The following EXOC6B variants were observed in gnomAD, a reference collection of about 807,000 sequenced individuals.
The protein encoded by EXOC6B is exocyst complex component 6B.
A neutral mutation model predicts 113.5 loss-of-function variants in EXOC6B; 54 were observed. The ratio of observed to expected loss-of-function variants is 0.48; its 90% CI spans 0.38 to 0.60. The LOEUF (loss-of-function observed/expected upper bound fraction) is 0.60, where lower values mean the gene tolerates loss of function less well. Among genes scored for constraint, EXOC6B ranks in the 20% least tolerant of loss-of-function variants. The pLI is 0.00. For synonymous variants in EXOC6B, 357 were observed against 339.0 expected (o/e 1.05, Z -0.58); for missense variants, 797 against 977.5 (o/e 0.82, Z 2.46).
chr2:72,593,178 T>A (rs536251471), intron 6 of EXOC6B, among the ~76,000 whole-genome samples: 10 of 152,178 alleles, frequency 6.6e-5, no homozygotes, highest in Non-Finnish European at 1.5e-4. Context: ...TACCTTGTCC[T>A]ATGCATATCT....
chr2:72,772,734 G>A (rs1050133260), intron 1 of EXOC6B, among the ~76,000 whole-genome samples: 1 of 152,096 alleles, frequency 6.6e-6, no homozygotes, highest in African/African-American at 2.4e-5. Context: ...CTATGCACTC[G>A]ACCAATCAGC....
chr2:72,653,605 C>CCCT (rs1674368374), intron 6 of EXOC6B, among the ~76,000 whole-genome samples: 1 of 144,764 alleles, frequency 6.9e-6, no homozygotes, highest in African/African-American at 2.7e-5. Context: ...GCAACCCCCC[C>CCCT]CCAAAAAGAA....
intron 9 of EXOC6B, 64 bp downstream of exon 9, chr2:72,514,979 A>G (rs1243140565): frequency 3.5e-6 from 4 of 1,155,736 alleles, no homozygotes; most frequent in South Asian, 2.7e-5. Context: ...ACACACACAC[A>G]CGCATCAAAA....
intron 8 of EXOC6B, among the ~76,000 whole-genome samples, chr2:72,524,150 T>TA (rs372964134): frequency 0.028 from 3,211 of 116,680 alleles, 47 homozygotes; most frequent in East Asian, 0.051. Flanking sequence ...ATACAGAGTT[T>TA]AAAAAAAAAA....
intron 20 of EXOC6B, among the ~76,000 whole-genome samples, chr2:72,226,653 T>C (rs140525057): frequency 1.3e-5 from 2 of 152,350 alleles, no homozygotes; most frequent in African/African-American, 4.8e-5. Context: ...ACTTAGGTTG[T>C]CATGTTTTAC....
intron 6 of EXOC6B, among the ~76,000 whole-genome samples, chr2:72,591,568 C>A (rs1456039899): frequency 6.6e-6 from 1 of 152,098 alleles, no homozygotes; most frequent in Non-Finnish European, 1.5e-5. Flanking sequence ...TTAAAATCTT[C>A]CTAAAATCAG....
rs1420025785 is a variant in EXOC6B at position 72,653,621 on chromosome 2, GAAAGA to G, written c.669+64477_669+64481del. Among the ~76,000 whole-genome samples, 29 of 127,052 alleles carry G rather than the reference GAAAGA, an allele frequency of 2.3e-4. No individual in the cohort carries two copies. In the South Asian group the frequency reaches 6.3e-3, roughly 28 times the overall value. The allele number at this position is 127,052 out of a possible 152,430, so 83.4% of individuals were successfully genotyped here. A position where few individuals can be genotyped will look rare whatever the true frequency, so the allele number is the denominator to read the frequency against. On this transcript the variant is annotated intron_variant, in intron 6 of 21. Coordinates refer to ENST00000272427, the MANE Select transcript of EXOC6B (RefSeq NM_015189.3). ...CAACCCCCCCCCAAAAAGAAAGAAA[GAAAGA>G]AAATACTGACGAGTTGAAAGAGATC...
At chr2:72,240,023 G>A (rs955299031) in intron 20 of EXOC6B, among the ~76,000 whole-genome samples, 1 of 152,058 alleles carries the variant, frequency 6.6e-6, no homozygotes, top group African/African-American at 2.4e-5. Flanking sequence ...ACAAGTACAT[G>A]GTTGTATCCT....
intron 21 of EXOC6B, among the ~76,000 whole-genome samples, chr2:72,183,832 A>C (rs1678245776): frequency 6.6e-6 from 1 of 152,086 alleles, no homozygotes; most frequent in Admixed American, 6.6e-5. Flanking sequence ...AGGTAATGTC[A>C]GAATCCAATT....
intron 20 of EXOC6B, among the ~76,000 whole-genome samples, chr2:72,316,150 C>T (rs918089565): frequency 3.3e-5 from 5 of 152,126 alleles, no homozygotes; most frequent in Non-Finnish European, 7.4e-5. Flanking sequence ...CATGTATTTA[C>T]ATTAAGAAAA....
At chr2:72,781,651 A>G (rs1358192647) in intron 1 of EXOC6B, among the ~76,000 whole-genome samples, 1 of 152,162 alleles carries the variant, frequency 6.6e-6, no homozygotes, top group East Asian at 1.9e-4. Context: ...CATGCCAGTT[A>G]GCCAGAGCAC....
intron 6 of EXOC6B, among the ~76,000 whole-genome samples, chr2:72,622,506 G>A (rs1018196438): frequency 2.0e-5 from 3 of 152,158 alleles, no homozygotes; most frequent in African/African-American, 7.2e-5. Flanking sequence ...TTGGGCTCAG[G>A]AGTTTGAGAC....
intron 6 of EXOC6B, among the ~76,000 whole-genome samples, chr2:72,658,286 T>TAAAAAAAAAAAAAAAAAAAAAAGA (rs1674746214): frequency 1.7e-5 from 1 of 58,726 alleles, no homozygotes; most frequent in Non-Finnish European, 3.1e-5. Context: ...TAAAAACTAG[T>TAAAAAAAAAAAAAAAAAAAAAAGA]AAAAAAAAAA....
intron 19 of EXOC6B, among the ~76,000 whole-genome samples, chr2:72,377,369 G>A (rs1691421747): frequency 6.6e-6 from 1 of 152,084 alleles, no homozygotes; most frequent in South Asian, 2.1e-4. Flanking sequence ...ATCCAGAGGA[G>A]ATGAAATCAG....
chr2:72,238,719 T>C (rs1335487452), intron 20 of EXOC6B, among the ~76,000 whole-genome samples: 1 of 152,238 alleles, frequency 6.6e-6, no homozygotes, highest in African/African-American at 2.4e-5. Context: ...GAAATGTCCA[T>C]TTAAATCTTT....
At chr2:72,478,575 T>C (rs1698889146) in intron 17 of EXOC6B, among the ~76,000 whole-genome samples, 1 of 152,246 alleles carries the variant, frequency 6.6e-6, no homozygotes. Context: ...TGACCTTTAG[T>C]GGTCTCCAGA....
chr2:72,486,310 A>C (rs936158171), intron 16 of EXOC6B, among the ~76,000 whole-genome samples: 1 of 152,024 alleles, frequency 6.6e-6, no homozygotes, highest in Admixed American at 6.6e-5. Flanking sequence ...TGGAGGTTGC[A>C]CTGAACCGAG....
chr2:72,668,867 TG>T (rs1175686923), intron 6 of EXOC6B, among the ~76,000 whole-genome samples: 3 of 152,164 alleles, frequency 2.0e-5, no homozygotes, highest in African/African-American at 7.2e-5. Context: ...AATCTCAGAA[TG>T]ACGCAATATA....
intron 6 of EXOC6B, among the ~76,000 whole-genome samples, chr2:72,701,224 C>A (rs995189101): frequency 6.6e-6 from 1 of 151,668 alleles, no homozygotes; most frequent in African/African-American, 2.4e-5. Flanking sequence ...TGCCTGTAAT[C>A]CCAGCTACTC....
Sources: gnomAD v4.1 joint callset for allele counts (sites outside exome capture counted in the v4.1 genomes callset) on GRCh38, gnomAD v4.1.1 for gene constraint, MANE v1.5 for transcripts, NCBI Gene and HGNC (gene_info 2026-07-23, HGNC 2026-07-21) for gene names.